ADGRD2: variants seen among roughly 807,000 people sequenced by gnomAD.
The protein encoded by ADGRD2 is adhesion G protein-coupled receptor D2.
Under a neutral mutation model 44.4 loss-of-function variants are expected in ADGRD2, and 71 were observed. The observed-to-expected ratio is 1.60, with a 90% CI of 1.32 to 1.95. The LOEUF (loss-of-function observed/expected upper bound fraction) is 1.95, where lower values mean the gene tolerates loss of function less well. ADGRD2 is among the 30% of genes most tolerant of loss of function. ADGRD2 has a pLI of 0.00. For synonymous variants in ADGRD2, 481 were observed against 224.8 expected (o/e 2.14, Z -10.19); for missense variants, 1,039 against 512.4 (o/e 2.03, Z -9.92).
rs1213896554 is a variant in ADGRD2, at chr9:124,457,376, A to G, written c.1506-96A>G. The G allele has an allele frequency of 1.7e-5, 8 of 481,746 alleles. No homozygotes were observed. The South Asian group carries it at 1.7e-4, about 10-fold the overall frequency. The allele number at this position is 481,746 out of a possible 1,614,324, so 29.8% of individuals were successfully genotyped here. Reference sequence around the variant, plus strand: ...GCAGGAATGGTGGCCTCCTAGGCCTATGGCAGGAAGGAGGGATCCAGACCC... The same window carrying G: ...GCAGGAATGGTGGCCTCCTAGGCCTGTGGCAGGAAGGAGGGATCCAGACCC... On this transcript the variant is annotated intron_variant, in intron 7 of 21. Transcript: ENST00000334810.
chr9:124,467,624 T>C (rs1434525449), intron 11 of ADGRD2, 97 bp from the exon 15 acceptor site: 2 of 677,996 alleles, frequency 2.9e-6, no homozygotes, highest in Admixed American at 2.1e-5. Flanking sequence ...TGGAGGCGAA[T>C]GCGGCGTGGG....
chr9:124,469,483 C>T (rs777578784), exon 16 of ADGRD2: 6 of 718,050 alleles, frequency 8.4e-6, no homozygotes, highest in South Asian at 4.4e-5. Flanking sequence ...GTCCAGTGCC[C>T]GCCGCCGTGC....
chr9:124,466,477 C>T, intron 11 of ADGRD2, 64 bp downstream of exon 14: 1 of 610,778 alleles, frequency 1.6e-6, no homozygotes, highest in Non-Finnish European at 3.1e-6. Flanking sequence ...AAGAGAAGAG[C>T]CAATAGGTAG....
Position 124,457,458 on chromosome 9 carries a change from C to T in ADGRD2, c.1506-14C>T. The T allele has an allele frequency of 1.7e-6, 1 of 589,774 alleles. No individual in the cohort carries two copies. The highest frequency in any genetic ancestry group is 3.1e-6 in the Non-Finnish European group (1 of 324,504). The allele number at this position is 589,774 out of a possible 1,614,324, so 36.5% of individuals were successfully genotyped here. ...CACTCCGAGGTCCAGCCACCCAGCC[C>T]CATTTACCCCCAGGCCTGGAGGTGC... On this transcript the variant is annotated splice_polypyrimidine_tract_variant and intron_variant, in intron 7 of 21. Transcript: ENST00000334810.
Position 124,469,517 on chromosome 9 carries a change from G to A in ADGRD2, c.2609G>A (p.Cys870Tyr), listed in dbSNP as rs1831903062. ...GCCCGCATGTTGAGCCCACAGCCCTGCCTGCAGCAGCAGATCTGGACCCAG... is the reference window on the plus strand; with the variant it reads ...GCCCGCATGTTGAGCCCACAGCCCTACCTGCAGCAGCAGATCTGGACCCAG... The change falls in exon 16 of 22, where the codon TGC becomes TAC. Residue 870 changes from cysteine to tyrosine, a missense_variant. By Grantham distance (194) the Cys-to-Tyr change is radical. Coordinates refer to ENST00000334810, the Ensembl canonical transcript of ADGRD2. The A allele has an allele frequency of 7.0e-6, 5 of 718,172 alleles. No homozygotes were observed. The East Asian group carries it at 1.3e-4, about 19-fold the overall frequency. 44.5% of individuals were successfully genotyped at this position (718,172 alleles called of 1,614,324 possible).
chr9:124,457,370 A>G (rs1831638254), intron 7 of ADGRD2, 102 bp from the exon 11 acceptor site: 1 of 473,612 alleles, frequency 2.1e-6, no homozygotes, highest in African/African-American at 1.9e-5. Flanking sequence ...GTGGCCTCCT[A>G]GGCCTATGGC....
intron 1 of ADGRD2, 116 bp downstream of exon 4, chr9:124,452,270 AC>A: frequency 1.6e-6 from 1 of 634,596 alleles, no homozygotes. Context: ...ATTTAGTTCC[AC>A]CCCCACCATA....
At chr9:124,453,786 C>T (rs1588599501) in intron 3 of ADGRD2, 110 bp downstream of exon 6, 1 of 624,908 alleles carries the variant, frequency 1.6e-6, no homozygotes, top group East Asian at 2.8e-5. Flanking sequence ...TCTGGCCACG[C>T]CCTCTCCAGG....
At chr9:124,462,984 T>C (rs968422935) in intron 10 of ADGRD2, among the ~76,000 whole-genome samples, 4 of 151,806 alleles carry the variant, frequency 2.6e-5, no homozygotes, top group Admixed American at 2.6e-4. Context: ...TTCCTCCCTT[T>C]TGTTTCTTTC....
intron 21 of ADGRD2, chr9:124,476,967 G>GCCTC (rs1400442268): frequency 2.5e-5 from 17 of 688,654 alleles, no homozygotes; most frequent in Non-Finnish European, 4.6e-5. Flanking sequence ...AGCACAACCT[G>GCCTC]CCTCCCTCTG....
At chr9:124,470,457 C>T (rs374085728) in intron 16 of ADGRD2, 37 bp from the exon 20 acceptor site, 45 of 698,682 alleles carry the variant, frequency 6.4e-5, no homozygotes, top group Middle Eastern at 5.4e-4. Flanking sequence ...CTCCCCAGGC[C>T]TCCCAACCCC....
rs1056011973 is a variant in ADGRD2 at position 124,476,757 on chromosome 9, A to C, written c.*18+48A>C. ...TCCCCTCTTTTCTTTTTGGGCCTGGACACCCCCTAAGCCCCCCGTACCAGG... is the reference window on the plus strand; with the variant it reads ...TCCCCTCTTTTCTTTTTGGGCCTGGCCACCCCCTAAGCCCCCCGTACCAGG... On this transcript the variant is annotated intron_variant, in intron 21 of 21. Coordinates refer to ENST00000334810, the Ensembl canonical transcript of ADGRD2. 151 of 685,466 alleles carry C rather than the reference A, an allele frequency of 2.2e-4. No homozygotes were observed. The African/African-American group carries it at 2.5e-3, about 11-fold the overall frequency. 42.5% of individuals were successfully genotyped at this position (685,466 alleles called of 1,614,324 possible).
exon 3 of ADGRD2, chr9:124,453,406 C>A (rs767772696): frequency 3.6e-5 from 22 of 605,340 alleles, no homozygotes; most frequent in African/African-American, 3.6e-4. Flanking sequence ...GGCGCGGGGG[C>A]TGGGCGCCGG....
intron 12 of ADGRD2, 86 bp from the exon 16 acceptor site, chr9:124,468,002 C>A (rs1025691416): frequency 3.1e-5 from 22 of 714,304 alleles, no homozygotes; most frequent in Non-Finnish European, 5.2e-5. Context: ...TCTGCCCAGG[C>A]ACAGGGGATC....
chr9:124,466,326 C>T lies in ADGRD2; in HGVS notation c.1941C>T (p.Ser647=), dbSNP rs1386525393. Residue 647 remains serine, a synonymous_variant, in exon 11 of 22, where the codon TCC becomes TCT. Coordinates refer to ENST00000334810, the Ensembl canonical transcript of ADGRD2. ...GTGCCTGGGCCACCACAGGCTGCTC[C>T]GTGGCTGCCCTGTACCTGGACTCCA... 2.6e-5 allele frequency: 19 copies of T among 717,118 alleles called. 1 individual carries two copies. The highest frequency in any genetic ancestry group is 8.0e-5 in the Admixed American group (4 of 49,934). 44.4% of individuals were successfully genotyped at this position (717,118 alleles called of 1,614,324 possible).
At chr9:124,450,751 C>T (rs1379917031), upstream of ADGRD2, among the ~76,000 whole-genome samples, 1 of 152,210 alleles carries the variant, frequency 6.6e-6, no homozygotes, top group African/African-American at 2.4e-5. Flanking sequence ...GCGGGAGCCT[C>T]CCAGTCCTCC....
intron 12 of ADGRD2, 35 bp downstream of exon 15, chr9:124,467,859 G>C: frequency 1.4e-6 from 1 of 717,694 alleles, no homozygotes; most frequent in Non-Finnish European, 2.6e-6. Flanking sequence ...CTGGTGGCCT[G>C]GGCCCTCCCG....
chr9:124,451,846 C>T (rs974469854), upstream of ADGRD2: 1 of 529,338 alleles, frequency 1.9e-6, no homozygotes, highest in Non-Finnish European at 3.4e-6. Flanking sequence ...AATAAAAGCA[C>T]TCACTAAGGG....
At chr9:124,462,022 C>T (rs550045594) in intron 10 of ADGRD2, among the ~76,000 whole-genome samples, 49 of 152,104 alleles carry the variant, frequency 3.2e-4, no homozygotes, top group South Asian at 1.0e-3. Flanking sequence ...GCTGGGATTA[C>T]AGGTGTGAGC....
Sources: allele counts gnomAD v4.1 joint callset (sites outside exome capture counted in the v4.1 genomes callset), GRCh38; gene constraint gnomAD v4.1.1; transcripts MANE v1.5; gene names NCBI Gene and HGNC (gene_info 2026-07-23, HGNC 2026-07-21).